Variants in ABCG5 observed in about 807,000 individuals in gnomAD.
ABCG5 encodes ATP binding cassette subfamily G member 5.
Under a neutral mutation model 64.5 loss-of-function variants are expected in ABCG5, and 64 were observed. The observed-to-expected ratio is 0.99, with a 90% CI of 0.81 to 1.22. The LOEUF is 1.22. Ranked by LOEUF, ABCG5 falls within the 50% of genes most tolerant of loss-of-function variation. The pLI is 0.00. For missense variants in ABCG5, 908 were observed against 829.5 expected (o/e 1.09, Z -1.16); for synonymous variants, 385 against 326.3 (o/e 1.18, Z -1.94).
upstream of ABCG5, chr2:43,839,129 TGG>T (rs781381103): frequency 1.7e-4 from 268 of 1,550,854 alleles, no homozygotes; most frequent in Non-Finnish European, 2.3e-4. Context: ...GAGTGAGCAA[TGG>T]GAAGTCGGCC....
At position 43,813,083 on chromosome 2, in the gene ABCG5, G is replaced by A. The variant is rs1666564946; in HGVS notation, c.*33C>T. On this transcript the variant is annotated 3_prime_UTR_variant, in exon 13 of 13. Coordinates refer to ENST00000405322, the MANE Select transcript of ABCG5 (RefSeq NM_022436.3). ...TCAGAGCAGTCATGCACAGTCGGCAGCTTCACTTCCATTTTCCCAGCCATG... is the reference window on the plus strand; with the variant it reads ...TCAGAGCAGTCATGCACAGTCGGCAACTTCACTTCCATTTTCCCAGCCATG... 1 of 876,288 alleles carries A rather than the reference G, an allele frequency of 1.1e-6. No homozygotes were observed. The highest frequency in any genetic ancestry group is 2.0e-6 in the Non-Finnish European group (1 of 506,886). The allele number at this position is 876,288 out of a possible 1,614,324, so 54.3% of individuals were successfully genotyped here. A position where few individuals can be genotyped will look rare whatever the true frequency, so the allele number is the denominator to read the frequency against.
intron 6 of ABCG5, 118 bp from the exon 7 acceptor site, chr2:43,825,136 T>A: frequency 8.1e-7 from 1 of 1,242,036 alleles, no homozygotes; most frequent in Admixed American, 2.0e-5. Context: ...CACCAAGTCC[T>A]TATGGGAAAT....
intron 10 of ABCG5, chr2:43,822,474 C>CAG: frequency 1.4e-6 from 1 of 708,452 alleles, no homozygotes; most frequent in Non-Finnish European, 1.7e-6. Flanking sequence ...CTCCCCTCCC[C>CAG]CAGGCCCCCC....
Position 43,823,933 on chromosome 2 carries a change from A to C in ABCG5, c.1304T>G (p.Met435Arg), listed in dbSNP as rs756162765. ...QFVGATPYTG[M>R]LNAVNLFPVL... ...CTTACACAGATTCACAGCGTTCAGC[A>C]TGCCTGTGTACGGGGTGGCGCCCAC... is the stretch of plus-strand genomic sequence containing the variant. Residue 435 changes from methionine (M) to arginine (R), a missense_variant, in exon 9 of 13, where the codon ATG becomes AGG. By Grantham distance (91) the Met-to-Arg change is moderately conservative. Coordinates refer to ENST00000405322, the MANE Select transcript of ABCG5 (RefSeq NM_022436.3). The C allele has an allele frequency of 1.9e-6, 3 of 1,614,076 alleles. No individual in the cohort carries two copies. The highest frequency in any genetic ancestry group is 2.2e-5 in the South Asian group (2 of 91,084).
rs892316704 is a variant in ABCG5 at position 43,838,574 on chromosome 2, G to A, written c.106C>T (p.His36Tyr). 6.2e-7 allele frequency: 1 copy of A among 1,608,988 alleles called. No individual in the cohort carries two copies. Among genetic ancestry groups the A allele is most frequent in the Non-Finnish European group, 8.5e-7 (1 of 1,178,300 alleles). ...GAGGCATGGAGGATGCCCAGGCTGT[G>A]AGGCTCCGGGGCGGTGGCAGGAGCC... ...EGAPATAPEP[H>Y]SLGILHASYS... Residue 36 changes from histidine to tyrosine, a missense_variant, in exon 1 of 13, where the codon CAC (histidine) becomes TAC (tyrosine). Physicochemically the swap from His to Tyr is moderately conservative, Grantham distance 83 (BLOSUM62 2). Coordinates refer to ENST00000405322, the MANE Select transcript of ABCG5 (RefSeq NM_022436.3). The surrounding 1 kb of genome is among the most constrained non-coding windows in gnomAD (Gnocchi z 4.2).
intron 10 of ABCG5, among the ~76,000 whole-genome samples, chr2:43,821,370 C>T (rs1397322150): frequency 3.3e-5 from 5 of 152,190 alleles, no homozygotes; most frequent in South Asian, 2.1e-4. Flanking sequence ...TCCTAATTAG[C>T]GAATCTCAAT....
In ABCG5 at chr2:43,822,938, G is replaced by A. The variant is rs750960146; in HGVS notation, c.1325-3C>T. 5.6e-6 allele frequency: 9 copies of A among 1,613,562 alleles called. No homozygotes were observed. The highest frequency in any genetic ancestry group is 1.3e-5 in the African/African-American group (1 of 74,888). ...GCTGACAGCTCGCAGCACGGGAACT[G>A]GGGATGGAAGGCAGGTTTCAGAACA... On this transcript the variant is annotated splice_polypyrimidine_tract_variant and splice_region_variant and intron_variant, in intron 9 of 12. Coordinates refer to ENST00000405322, the MANE Select transcript of ABCG5 (RefSeq NM_022436.3).
intron 12 of ABCG5, among the ~76,000 whole-genome samples, chr2:43,813,930 G>A (rs1188267352): frequency 6.6e-6 from 1 of 151,702 alleles, no homozygotes; most frequent in Non-Finnish European, 1.5e-5. Context: ...CGTCGGCCAG[G>A]CTGGTCTCGA....
chr2:43,824,670 G>C, intron 7 of ABCG5: 1 of 976,594 alleles, frequency 1.0e-6, no homozygotes, highest in Non-Finnish European at 1.2e-6. Flanking sequence ...TGATAAAGTA[G>C]TAGCAGTGCG....
chr2:43,824,290 T>C lies in ABCG5; in HGVS notation c.1047A>G (p.Lys349=). 1.2e-6 allele frequency: 2 copies of C among 1,614,228 alleles called. No homozygotes were observed. Among genetic ancestry groups the C allele is most frequent in the African/African-American group, 2.7e-5 (2 of 75,062 alleles). ...TTTTGAAAGGAACCATTGGTAACGT[T>C]TTCAGGTGTTTCATTCTTTCAATAT... is the stretch of plus-strand genomic sequence containing the variant. ...LKNIERMKHL[K]TLPMVPFKTK... Residue 349 remains lysine, a synonymous_variant, in exon 8 of 13, where the codon AAA becomes AAG. Transcript: ENST00000405322.
intron 2 of ABCG5, among the ~76,000 whole-genome samples, chr2:43,837,051 A>C (rs909767093): frequency 1.1e-4 from 16 of 151,318 alleles, no homozygotes; most frequent in Non-Finnish European, 2.2e-4. Flanking sequence ...AAAAGAAAAG[A>C]AAAACGACCA....
At chr2:43,831,890 T>A (rs1272208804) in intron 3 of ABCG5, 23 bp from the exon 4 acceptor site, 2 of 1,488,426 alleles carry the variant, frequency 1.3e-6, no homozygotes, top group Non-Finnish European at 1.8e-6. Flanking sequence ...CGGGCGTCAG[T>A]GTAGCCTAAG....
At position 43,822,479 on chromosome 2, in the gene ABCG5, C is replaced by T. The variant is rs749560093; in HGVS notation, c.1463+318G>A. ...AGGCTGCTTTCTCCCCTCCCCCAGG[C>T]CCCCCCCCATGCACCTGGGTCCTAG... On this transcript the variant is annotated intron_variant, in intron 10 of 12. Transcript: ENST00000405322. The T allele has an allele frequency of 1.9e-4, 124 of 668,752 alleles. 14 individuals are homozygous for T. The highest frequency in any genetic ancestry group is 7.9e-4 in the Admixed American group (11 of 13,854). 41.4% of individuals were successfully genotyped at this position (668,752 alleles called of 1,614,324 possible).
downstream of ABCG5, among the ~76,000 whole-genome samples, chr2:43,808,363 AG>A (rs1309594190): frequency 6.6e-6 from 1 of 152,172 alleles, no homozygotes; most frequent in Non-Finnish European, 1.5e-5. Flanking sequence ...TAGGTATGAA[AG>A]GTACGCTCTG....
In ABCG5 at chr2:43,838,347, G is replaced by T; in HGVS notation, c.143+190C>A. On this transcript the variant is annotated intron_variant, in intron 1 of 12. Transcript: ENST00000405322. This position sits in a 1 kb window ranked among gnomAD's most constrained non-coding sequence, Gnocchi z 4.2. ...GCCCAGGCCCTTCCCTGGGCAGGGG[G>T]AGGGGCCATTCACTGTCGCTCCATG... The T allele has an allele frequency of 1.6e-6, 1 of 637,270 alleles. No individual in the cohort carries two copies. 39.5% of individuals were successfully genotyped at this position (637,270 alleles called of 1,614,324 possible).
intron 2 of ABCG5, among the ~76,000 whole-genome samples, chr2:43,835,075 T>A (rs532805584): frequency 5.3e-5 from 8 of 152,206 alleles, no homozygotes; most frequent in Non-Finnish European, 1.2e-4. Context: ...TAGAATACAG[T>A]CCCTGCCCTT....
intron 2 of ABCG5, 23 bp downstream of exon 2, chr2:43,837,811 A>G (rs985291783): frequency 5.1e-5 from 83 of 1,613,442 alleles, no homozygotes; most frequent in Non-Finnish European, 6.7e-5. Flanking sequence ...AATCCTTTTT[A>G]GAATCCTCCT....
intron 4 of ABCG5, among the ~76,000 whole-genome samples, chr2:43,828,822 T>A (rs1044330271): frequency 3.3e-5 from 5 of 150,734 alleles, no homozygotes; most frequent in African/African-American, 1.2e-4. Flanking sequence ...AGAAATGAGC[T>A]GGGAGTGGTG....
In ABCG5 at chr2:43,815,910, GA is replaced by G. The variant is rs4148200; in HGVS notation, c.1650-1322del. On this transcript the variant is annotated intron_variant, in intron 11 of 12. Coordinates refer to ENST00000405322, the MANE Select transcript of ABCG5 (RefSeq NM_022436.3). Reference sequence around the variant, plus strand: ...TGAGGGCAGAGTAAGAACAGGAAAAGAAAAAAAAAAAAAAAAAGGACCAGAC... The same window carrying G: ...TGAGGGCAGAGTAAGAACAGGAAAAGAAAAAAAAAAAAAAAAGGACCAGAC... 3.2e-3 allele frequency among the ~76,000 whole-genome samples: 333 copies of G among 104,066 alleles called. 1 individual carries two copies. Among genetic ancestry groups the G allele is most frequent in the East Asian group, 0.023 (66 of 2,850 alleles). 68.3% of individuals were successfully genotyped at this position (104,066 alleles called of 152,430 possible).
Sources: allele counts gnomAD v4.1 joint callset (sites outside exome capture counted in the v4.1 genomes callset), GRCh38; gene constraint gnomAD v4.1.1; non-coding constraint Gnocchi (gnomAD v3.1); transcripts MANE v1.5; gene names NCBI Gene and HGNC (gene_info 2026-07-23, HGNC 2026-07-21).